Variants in LDLRAD3 observed in about 807,000 individuals in gnomAD.
LDLRAD3 encodes the protein low-density lipoprotein receptor class A domain-containing protein 3.
A neutral mutation model predicts 29.4 loss-of-function variants in LDLRAD3; 20 were observed. The ratio of observed to expected loss-of-function variants is 0.68; its 90% CI spans 0.48 to 0.99. The LOEUF (loss-of-function observed/expected upper bound fraction) is 0.99, where lower values mean the gene tolerates loss of function less well. Ranked by LOEUF, LDLRAD3 falls within the 50% of genes least tolerant of loss-of-function variation. The pLI is 0.00. For missense variants in LDLRAD3, 420 were observed against 454.3 expected, an observed-to-expected ratio of 0.92 and a Z score of 0.69; for synonymous variants, 157 against 192.7, an observed-to-expected ratio of 0.81 and a Z score of 1.53.
At chr11:36,023,039 G>A (rs950842782) in intron 1 of LDLRAD3, among the ~76,000 whole-genome samples, 1 of 152,194 alleles carries the variant, frequency 6.6e-6, no homozygotes, top group Non-Finnish European at 1.5e-5. Context: ...GCTCAGGAGG[G>A]AGTGTGCCTG....
chr11:36,142,392 C>T (rs1450173514), intron 4 of LDLRAD3, among the ~76,000 whole-genome samples: 1 of 152,208 alleles, frequency 6.6e-6, no homozygotes, highest in Non-Finnish European at 1.5e-5. Flanking sequence ...TCATCATATT[C>T]CGTTTAGTAG....
chr11:36,005,892 A>G lies in LDLRAD3; in HGVS notation c.47-30211A>G, dbSNP rs924411737. On this transcript the variant is annotated intron_variant, in intron 1 of 5. Coordinates refer to ENST00000315571, the MANE Select transcript of LDLRAD3 (RefSeq NM_174902.4). Reference sequence around the variant, plus strand: ...GAGCGCGAAGGGGGAAGTGCCACACATGTTTAAAGCATCAGATCTCATGAG... The same window carrying G: ...GAGCGCGAAGGGGGAAGTGCCACACGTGTTTAAAGCATCAGATCTCATGAG... Among the ~76,000 whole-genome samples the G allele has an allele frequency of 2.0e-5, 3 of 152,272 alleles. No individual in the cohort carries two copies. In the South Asian group the frequency reaches 6.2e-4, roughly 32 times the overall value.
At chr11:36,102,033 C>T (rs895383568) in intron 4 of LDLRAD3, 3 of 193,026 alleles carry the variant, frequency 1.6e-5, no homozygotes, top group South Asian at 1.3e-4. Context: ...GAACTACAGG[C>T]GCCCGCCACT....
intron 4 of LDLRAD3, among the ~76,000 whole-genome samples, chr11:36,167,914 G>A (rs1854538596): frequency 6.6e-6 from 1 of 152,174 alleles, no homozygotes; most frequent in East Asian, 1.9e-4. Context: ...TGTCTGGAAG[G>A]TGCACCAACT....
intron 1 of LDLRAD3, among the ~76,000 whole-genome samples, chr11:36,031,622 G>A (rs1174196427): frequency 6.6e-6 from 1 of 152,190 alleles, no homozygotes; most frequent in East Asian, 1.9e-4. Context: ...TTCACGGAGT[G>A]TTCAGTCTAG....
intron 4 of LDLRAD3, among the ~76,000 whole-genome samples, chr11:36,187,259 A>G (rs1854864956): frequency 6.6e-6 from 1 of 152,214 alleles, no homozygotes. Context: ...TATATAAAGT[A>G]AAAAGCAAAA....
At chr11:36,067,840 G>T (rs1293167906) in intron 2 of LDLRAD3, among the ~76,000 whole-genome samples, 1 of 151,822 alleles carries the variant, frequency 6.6e-6, no homozygotes, top group Non-Finnish European at 1.5e-5. Flanking sequence ...ATTTTTTTTT[G>T]TATTTTTTTT....
chr11:36,224,753 G>C (rs1224943264), intron 4 of LDLRAD3, among the ~76,000 whole-genome samples: 4 of 152,188 alleles, frequency 2.6e-5, no homozygotes, highest in Middle Eastern at 3.2e-3. Flanking sequence ...ATTTGTCTCA[G>C]ATTGGGATCA....
At chr11:35,998,531 C>T (rs769018404) in intron 1 of LDLRAD3, among the ~76,000 whole-genome samples, 2 of 152,154 alleles carry the variant, frequency 1.3e-5, no homozygotes, top group African/African-American at 2.4e-5. Flanking sequence ...AACAAACAAA[C>T]AATCAAACAA....
intron 2 of LDLRAD3, among the ~76,000 whole-genome samples, chr11:36,052,215 C>T (rs1354755662): frequency 6.6e-6 from 1 of 152,132 alleles, no homozygotes; most frequent in East Asian, 1.9e-4. Context: ...GTTTGGTGGC[C>T]TCAAAAGCAA....
At chr11:36,182,613 A>G (rs12807726) in intron 4 of LDLRAD3, among the ~76,000 whole-genome samples, 5,985 of 152,264 alleles carry the variant, frequency 0.039, 389 homozygotes, top group African/African-American at 0.13. Flanking sequence ...TTGCAGGCCT[A>G]GGAGATTTGC....
intron 4 of LDLRAD3, among the ~76,000 whole-genome samples, chr11:36,102,256 C>T (rs569582030): frequency 6.6e-6 from 1 of 152,312 alleles, no homozygotes; most frequent in African/African-American, 2.4e-5. Flanking sequence ...TGTACATGAG[C>T]TCACTTAGTC....
intron 1 of LDLRAD3, among the ~76,000 whole-genome samples, chr11:35,994,923 T>G (rs116606728): frequency 0.019 from 2,882 of 152,300 alleles, 95 homozygotes; most frequent in African/African-American, 0.063. Flanking sequence ...ATCTTTAGGC[T>G]CCACTTCTAA....
chr11:36,116,690 AT>A (rs1433549035), intron 4 of LDLRAD3, among the ~76,000 whole-genome samples: 4 of 152,012 alleles, frequency 2.6e-5, no homozygotes, highest in African/African-American at 4.8e-5. Context: ...AAATAAAAAA[AT>A]AAAAAAATAA....
At chr11:36,172,874 A>G (rs1203136999) in intron 4 of LDLRAD3, among the ~76,000 whole-genome samples, 2 of 152,170 alleles carry the variant, frequency 1.3e-5, no homozygotes, top group Non-Finnish European at 2.9e-5. Flanking sequence ...CTATTTCTCT[A>G]TCATTTGTAA....
intron 4 of LDLRAD3, among the ~76,000 whole-genome samples, chr11:36,133,646 G>C (rs1853962180): frequency 6.9e-6 from 1 of 145,864 alleles, no homozygotes; most frequent in Non-Finnish European, 1.5e-5. Flanking sequence ...CCATTCTCCT[G>C]CCTCAGCCTC....
intron 2 of LDLRAD3, among the ~76,000 whole-genome samples, chr11:36,040,005 A>T (rs1852359811): frequency 6.6e-6 from 1 of 151,994 alleles, no homozygotes; most frequent in Non-Finnish European, 1.5e-5. Flanking sequence ...AGGGAGGGAG[A>T]CTGGTTCTGT....
chr11:36,069,961 A>C (rs1361250513), intron 2 of LDLRAD3, among the ~76,000 whole-genome samples: 1 of 152,222 alleles, frequency 6.6e-6, no homozygotes, highest in Non-Finnish European at 1.5e-5. Flanking sequence ...GGCCGACCTC[A>C]GCTGAAACCG....
chr11:36,071,032 G>A (rs185456012), intron 2 of LDLRAD3, among the ~76,000 whole-genome samples: 373 of 152,244 alleles, frequency 2.5e-3, no homozygotes, highest in African/African-American at 8.8e-3. Context: ...TGCAAATTTA[G>A]AATGATAAAA....
Sources: allele counts gnomAD v4.1 joint callset (sites outside exome capture counted in the v4.1 genomes callset), GRCh38; gene constraint gnomAD v4.1.1; transcripts MANE v1.5; gene names NCBI Gene and HGNC (gene_info 2026-07-23, HGNC 2026-07-21).